MYO1E: variants seen among roughly 807,000 people sequenced by gnomAD.
MYO1E encodes myosin IE.
MYO1E carries 68 observed loss-of-function variants against 151.1 expected under a neutral mutation model. That is an observed-to-expected ratio of 0.45 (90% CI 0.37 to 0.55). The LOEUF (loss-of-function observed/expected upper bound fraction) is 0.55. MYO1E is among the 20% of genes least tolerant of loss of function. The pLI is 0.00. For missense variants in MYO1E, 1,363 were observed against 1,389.3 expected, an observed-to-expected ratio of 0.98 and a Z score of 0.30; for synonymous variants, 601 against 501.7, an observed-to-expected ratio of 1.20 and a Z score of -2.64.
chr15:59,263,535 A>G (rs994224885), intron 2 of MYO1E, among the ~76,000 whole-genome samples: 26 of 152,186 alleles, frequency 1.7e-4, no homozygotes, highest in African/African-American at 6.0e-4. Flanking sequence ...TGTGAGATGG[A>G]TCATATAATC....
In MYO1E at chr15:59,132,489, A is replaced by T. The variant is rs1362550500; in HGVS notation, c.*4891T>A. On this transcript the variant is annotated 3_prime_UTR_variant, in exon 28 of 28. Transcript: ENST00000288235. The stretch of plus-strand genomic sequence containing the variant: ...AAATATTAAATGTCCTGACTTAGGA[A>T]ATTCTTCCAGGATGTCATAAAAAAA... 1.3e-5 allele frequency: 2 copies of T among 152,224 alleles called. No individual in the cohort carries two copies. The highest frequency in any genetic ancestry group is 3.8e-4 in the East Asian group (2 of 5,204). 9.4% of individuals were successfully genotyped at this position (152,224 alleles called of 1,614,324 possible).
At position 59,236,749 on chromosome 15, in the gene MYO1E, A is replaced by AAAAC. The variant is rs560408029; in HGVS notation, c.333-81_333-78dup. The AAAAC allele has an allele frequency of 7.4e-4, 965 of 1,299,750 alleles. 11 individuals carry two copies. In the South Asian group the frequency reaches 0.011, roughly 15 times the overall value. 80.5% of individuals were successfully genotyped at this position (1,299,750 alleles called of 1,614,324 possible). A position where few individuals can be genotyped will look rare whatever the true frequency, so the allele number is the denominator to read the frequency against. Reference sequence around the variant, plus strand: ...CCCTTCCTTGTCTCCCCCATCACACAAAACAAACAAACAAACAAAAAAACA... The same window carrying AAAAC: ...CCCTTCCTTGTCTCCCCCATCACACAAAACAAACAAACAAACAAACAAAAAAACA... On this transcript the variant is annotated intron_variant, in intron 4 of 27. Coordinates refer to ENST00000288235, the MANE Select transcript of MYO1E (RefSeq NM_004998.4).
rs1566970598 is a variant in MYO1E, at chr15:59,174,326, A to C, written c.2050-86T>G. The C allele has an allele frequency of 3.2e-6, 3 of 937,788 alleles. No homozygotes were observed. The African/African-American group carries it at 4.8e-5, about 15-fold the overall frequency. 58.1% of individuals were successfully genotyped at this position (937,788 alleles called of 1,614,324 possible). ...TTTTCTTGTTATTCCAGGGACCCTC[A>C]GTTTAGACAATGACACACACGGGAA... On this transcript the variant is annotated intron_variant, in intron 19 of 27. Transcript: ENST00000288235.
At chr15:59,201,013 T>A (rs180683237) in intron 16 of MYO1E, among the ~76,000 whole-genome samples, 90 of 152,214 alleles carry the variant, frequency 5.9e-4, no homozygotes, top group Non-Finnish European at 1.0e-3. Flanking sequence ...GGTATAATTT[T>A]TAAAAAAATT....
intron 1 of MYO1E, among the ~76,000 whole-genome samples, chr15:59,288,033 C>T (rs8032992): frequency 0.012 from 1,880 of 152,346 alleles, 34 homozygotes; most frequent in African/African-American, 0.043. Flanking sequence ...TTTTGAACTG[C>T]GTGGTGCACA....
intron 4 of MYO1E, among the ~76,000 whole-genome samples, chr15:59,253,689 C>A (rs1234632686): frequency 5.9e-5 from 9 of 151,986 alleles, no homozygotes; most frequent in African/African-American, 1.9e-4. Flanking sequence ...ACCATGTTGG[C>A]CAGGATGGTC....
chr15:59,190,304 T>C (rs1265083855), intron 17 of MYO1E, among the ~76,000 whole-genome samples: 2 of 152,160 alleles, frequency 1.3e-5, no homozygotes, highest in African/African-American at 2.4e-5. Context: ...GTTTGGTACA[T>C]TTGGGGATAT....
chr15:59,163,091 G>T, intron 23 of MYO1E, 66 bp downstream of exon 23: 8 of 1,569,524 alleles, frequency 5.1e-6, no homozygotes, highest in Non-Finnish European at 7.0e-6. Context: ...ATCCTGAATC[G>T]CAGGGGTGCG....
chr15:59,210,694 G>C, intron 12 of MYO1E, 94 bp from the exon 13 acceptor site: 2 of 830,726 alleles, frequency 2.4e-6, no homozygotes, highest in Admixed American at 3.9e-5. Context: ...CCATAAAAGA[G>C]AAAAACCTGA....
intron 1 of MYO1E, among the ~76,000 whole-genome samples, chr15:59,340,046 G>A (rs2080755701): frequency 6.6e-6 from 1 of 152,056 alleles, no homozygotes; most frequent in Non-Finnish European, 1.5e-5. Flanking sequence ...AGTAGAGACA[G>A]AATTTTGCCA....
chr15:59,337,836 A>G (rs1318349658), intron 1 of MYO1E, among the ~76,000 whole-genome samples: 1 of 151,776 alleles, frequency 6.6e-6, no homozygotes, highest in Non-Finnish European at 1.5e-5. Context: ...CATCTCAAAA[A>G]AGAAAAAAAA....
rs562753220 is a variant in MYO1E, at chr15:59,256,655, G to A, written c.238-277C>T. Among the ~76,000 whole-genome samples, 5 of 152,210 alleles carry A rather than the reference G, an allele frequency of 3.3e-5. No homozygotes were observed. The East Asian group carries it at 9.6e-4, about 29-fold the overall frequency. On this transcript the variant is annotated intron_variant, in intron 3 of 27. Coordinates refer to ENST00000288235, the MANE Select transcript of MYO1E (RefSeq NM_004998.4). Reference sequence around the variant, plus strand: ...ATCCATGATTCAGCCTTCCGGATGTGCCCCGTGTCTTTAGACACTCCAACA... The same window carrying A: ...ATCCATGATTCAGCCTTCCGGATGTACCCCGTGTCTTTAGACACTCCAACA...
Position 59,248,472 on chromosome 15 carries a change from G to C in MYO1E, c.332+7812C>G, listed in dbSNP as rs560120877. Among the ~76,000 whole-genome samples the C allele has an allele frequency of 8.0e-5, 10 of 125,146 alleles. No individual in the cohort carries two copies. In the East Asian group the frequency reaches 2.4e-3, roughly 30 times the overall value. 82.1% of individuals were successfully genotyped at this position (125,146 alleles called of 152,430 possible). On this transcript the variant is annotated intron_variant, in intron 4 of 27. Transcript: ENST00000288235. Reference sequence around the variant, plus strand: ...ACTGAACTCCAGCCTGAACGACAGGGTGAGACTCCATCTCAAAAAAAAAAA... The same window carrying C: ...ACTGAACTCCAGCCTGAACGACAGGCTGAGACTCCATCTCAAAAAAAAAAA...
intron 26 of MYO1E, among the ~76,000 whole-genome samples, chr15:59,144,974 GTTGGGAC>G (rs2079433052): frequency 6.6e-6 from 1 of 152,150 alleles, no homozygotes; most frequent in African/African-American, 2.4e-5. Flanking sequence ...CTCCTAAGTA[GTTGGGAC>G]TACAGGCATG....
chr15:59,337,523 C>T, intron 1 of MYO1E, among the ~76,000 whole-genome samples: 1 of 152,166 alleles, frequency 6.6e-6, no homozygotes, highest in Non-Finnish European at 1.5e-5. Context: ...AACATTCAGA[C>T]TACTATAGTC....
rs189301690 is a variant in MYO1E, at chr15:59,162,890, G to C, written c.2627+267C>G. 1.6e-3 allele frequency among the ~76,000 whole-genome samples: 246 copies of C among 152,118 alleles called. 2 individuals carry two copies. Among genetic ancestry groups the C allele is most frequent in the Non-Finnish European group, 8.4e-4 (57 of 67,996 alleles). Reference sequence around the variant, plus strand: ...GGGTGATACATAAAAATCTGCCTTTGTCTGCCTCATTCAGGTGATTTTTGT... The same window carrying C: ...GGGTGATACATAAAAATCTGCCTTTCTCTGCCTCATTCAGGTGATTTTTGT... On this transcript the variant is annotated intron_variant, in intron 23 of 27. Transcript: ENST00000288235.
rs1039706032 is a variant in MYO1E, at chr15:59,349,506, T to C, written c.3+22992A>G. Among the ~76,000 whole-genome samples the C allele has an allele frequency of 4.6e-5, 7 of 152,126 alleles. No individual in the cohort carries two copies. The East Asian group carries it at 1.4e-3, about 29-fold the overall frequency. ...TTCAACTCACAAACCTTCTTTAAAT[T>C]ACCCAGCGAGTTAGGGAGGAGGATG... On this transcript the variant is annotated intron_variant, in intron 1 of 27. Transcript: ENST00000288235.
Position 59,153,721 on chromosome 15 carries a change from G to A in MYO1E, c.2949C>T (p.Ser983=). 6.2e-7 allele frequency: 1 copy of A among 1,614,134 alleles called. No individual in the cohort carries two copies. Among genetic ancestry groups the A allele is most frequent in the East Asian group, 2.2e-5 (1 of 44,880 alleles). Residue 983 remains serine, a synonymous_variant, in exon 26 of 28, where the codon TCC becomes TCT. Coordinates refer to ENST00000288235, the MANE Select transcript of MYO1E (RefSeq NM_004998.4). ...PYPHAPGSQR[S]NQKSLYTSMA... is the part of the protein sequence containing the mutation. The stretch of plus-strand genomic sequence containing the variant: ...TGGAGGTGTACAGGCTTTTCTGATT[G>A]GACCTCTGGCTTCCAGGAGCATGGG...
chr15:59,218,297 G>T, intron 9 of MYO1E: 1 of 685,416 alleles, frequency 1.5e-6, no homozygotes. Context: ...ATTGTTTTAT[G>T]ACATGAGTCA....
Sources: gnomAD v4.1 joint callset for allele counts (sites outside exome capture counted in the v4.1 genomes callset) on GRCh38, gnomAD v4.1.1 for gene constraint, MANE v1.5 for transcripts, NCBI Gene and HGNC (gene_info 2026-07-23, HGNC 2026-07-21) for gene names.